Variants in PTPRM observed in about 807,000 individuals in gnomAD.
PTPRM encodes receptor-type tyrosine-protein phosphatase mu.
Under a neutral mutation model 186.7 loss-of-function variants are expected in PTPRM, and 47 were observed. That is an observed-to-expected ratio of 0.25 (90% CI 0.20 to 0.32). The LOEUF (loss-of-function observed/expected upper bound fraction) is 0.32. Ranked by LOEUF, PTPRM falls within the 10% of genes least tolerant of loss-of-function variation. The pLI is 1.00. For synonymous variants in PTPRM, 668 were observed against 674.9 expected (o/e 0.99, Z 0.16); for missense variants, 1,494 against 1,865.0 (o/e 0.80, Z 3.66).
chr18:8,394,682 T>C (rs2148601755), intron 32 of PTPRM, 71 bp downstream of exon 32: 1 of 1,436,602 alleles, frequency 7.0e-7, no homozygotes, highest in Non-Finnish European at 9.3e-7. Context: ...GCTCCCAGAT[T>C]TGCAGGGAAA....
intron 15 of PTPRM, 89 bp downstream of exon 15, chr18:8,244,298 G>A (rs1171798489): frequency 1.8e-6 from 2 of 1,126,672 alleles, no homozygotes; most frequent in Non-Finnish European, 2.4e-6. Flanking sequence ...AAAAAAAAAA[G>A]CTTCCTGAAG....
intron 1 of PTPRM, among the ~76,000 whole-genome samples, chr18:7,577,892 C>T (rs1172830840): frequency 6.6e-6 from 1 of 152,062 alleles, no homozygotes; most frequent in African/African-American, 2.4e-5. Flanking sequence ...AGGCAGGGGC[C>T]CCTGTGAGAC....
intron 22 of PTPRM, among the ~76,000 whole-genome samples, chr18:8,322,539 G>C (rs1466576720): frequency 1.3e-5 from 2 of 152,154 alleles, no homozygotes; most frequent in Admixed American, 1.3e-4. Context: ...TAGCAAACCA[G>C]GAGCTCAAAG....
At chr18:8,250,944 GT>G (rs1188227217) in intron 17 of PTPRM, among the ~76,000 whole-genome samples, 2 of 152,158 alleles carry the variant, frequency 1.3e-5, no homozygotes, top group Non-Finnish European at 2.9e-5. Context: ...ATGTCTAGTA[GT>G]ATAAGTGACC....
intron 1 of PTPRM, among the ~76,000 whole-genome samples, chr18:7,670,315 T>TA (rs2039191499): frequency 6.6e-6 from 1 of 152,216 alleles, no homozygotes; most frequent in South Asian, 2.1e-4. Flanking sequence ...AGTTCCTTGA[T>TA]AACATAAAAA....
Position 8,244,058 on chromosome 18 carries a change from G to A in PTPRM, c.2301G>A (p.Arg767=). 1 of 1,607,552 alleles carries A rather than the reference G, an allele frequency of 6.2e-7. No individual in the cohort carries two copies. The highest frequency in any genetic ancestry group is 1.1e-5 in the South Asian group (1 of 89,350). The part of the protein sequence containing the change: ...FLGVVLVMKK[R]KLAKKRKETM... ...ACATAATTGAATTCTTTATCCTAAGGAAACTGGCCAAGAAGCGGAAAGAGA... is the reference window on the plus strand; with the variant it reads ...ACATAATTGAATTCTTTATCCTAAGAAAACTGGCCAAGAAGCGGAAAGAGA... The change falls in exon 15 of 33, where the codon AGG becomes AGA. Residue 767 remains arginine (R), a splice_region_variant and synonymous_variant. Transcript: ENST00000580170.
At chr18:8,303,417 C>G (rs538503144) in intron 20 of PTPRM, among the ~76,000 whole-genome samples, 1 of 152,146 alleles carries the variant, frequency 6.6e-6, no homozygotes, top group Admixed American at 6.5e-5. Flanking sequence ...CTTCACTTTT[C>G]TAACATTTTG....
intron 19 of PTPRM, among the ~76,000 whole-genome samples, chr18:8,289,548 A>G (rs2095009421): frequency 2.7e-5 from 3 of 112,854 alleles, no homozygotes; most frequent in Admixed American, 9.2e-5. Context: ...ATATATATAT[A>G]TACATATATA....
chr18:7,751,762 G>A (rs1045541488), intron 1 of PTPRM, among the ~76,000 whole-genome samples: 25 of 152,262 alleles, frequency 1.6e-4, no homozygotes, highest in African/African-American at 5.8e-4. Context: ...TATACATCTG[G>A]TATACACTAA....
chr18:7,759,889 C>T (rs965441625), intron 1 of PTPRM, among the ~76,000 whole-genome samples: 3 of 152,068 alleles, frequency 2.0e-5, no homozygotes, highest in African/African-American at 7.2e-5. Flanking sequence ...GAGAGTTGTA[C>T]GGAAACTATA....
intron 5 of PTPRM, among the ~76,000 whole-genome samples, chr18:7,935,540 G>C (rs1287921399): frequency 6.6e-6 from 1 of 152,162 alleles, no homozygotes; most frequent in Admixed American, 6.5e-5. Flanking sequence ...GCCAAAAAAA[G>C]ATGTAAGCAA....
At chr18:8,146,755 A>C (rs987149113) in intron 14 of PTPRM, among the ~76,000 whole-genome samples, 2 of 152,142 alleles carry the variant, frequency 1.3e-5, no homozygotes, top group Admixed American at 1.3e-4. Flanking sequence ...GGTATTGCCT[A>C]GGTTTTCTTC....
chr18:8,373,578 C>G (rs906712591), intron 24 of PTPRM, among the ~76,000 whole-genome samples: 2 of 152,268 alleles, frequency 1.3e-5, no homozygotes, highest in African/African-American at 4.8e-5. Flanking sequence ...CCAGGAGCTG[C>G]CTAGGATTCA....
intron 1 of PTPRM, among the ~76,000 whole-genome samples, chr18:7,655,056 T>A (rs2038815552): frequency 6.6e-6 from 1 of 152,224 alleles, no homozygotes; most frequent in Non-Finnish European, 1.5e-5. Context: ...ATGGCCATTT[T>A]AATGATATTG....
chr18:7,604,955 A>G (rs1455856622), intron 1 of PTPRM, among the ~76,000 whole-genome samples: 2 of 152,030 alleles, frequency 1.3e-5, no homozygotes, highest in Non-Finnish European at 2.9e-5. Flanking sequence ...TAGGTCCTCA[A>G]AATAGAGTTT....
At chr18:8,358,769 G>A (rs369191858) in intron 23 of PTPRM, among the ~76,000 whole-genome samples, 1 of 152,296 alleles carries the variant, frequency 6.6e-6, no homozygotes, top group South Asian at 2.1e-4. Context: ...GCAGAACCCC[G>A]AAAGGCTGGA....
intron 14 of PTPRM, among the ~76,000 whole-genome samples, chr18:8,191,104 G>A (rs2093703932): frequency 6.6e-6 from 1 of 152,204 alleles, no homozygotes; most frequent in Non-Finnish European, 1.5e-5. Flanking sequence ...GCACAGAGTA[G>A]GAAAGGGAAC....
intron 1 of PTPRM, among the ~76,000 whole-genome samples, chr18:7,764,967 C>G (rs1006427827): frequency 6.6e-6 from 1 of 152,136 alleles, no homozygotes; most frequent in Non-Finnish European, 1.5e-5. Flanking sequence ...CACATTTATG[C>G]AGGGAATTCA....
At chr18:8,366,085 C>G (rs2095627433) in intron 23 of PTPRM, among the ~76,000 whole-genome samples, 1 of 152,132 alleles carries the variant, frequency 6.6e-6, no homozygotes, top group Non-Finnish European at 1.5e-5. Context: ...TTGTTAAGAC[C>G]TCCCTCCCCC....
Sources: allele counts gnomAD v4.1 joint callset (sites outside exome capture counted in the v4.1 genomes callset), GRCh38; gene constraint gnomAD v4.1.1; transcripts MANE v1.5; gene names NCBI Gene and HGNC (gene_info 2026-07-23, HGNC 2026-07-21).